PATJ: variants seen among roughly 807,000 people sequenced by gnomAD.
The protein encoded by PATJ is inaD-like protein.
Under a neutral mutation model 224.9 loss-of-function variants are expected in PATJ, and 190 were observed. That is an observed-to-expected ratio of 0.84 (90% CI 0.75 to 0.95). The LOEUF (loss-of-function observed/expected upper bound fraction) is 0.95. Among genes scored for constraint, PATJ ranks in the 40% least tolerant of loss-of-function variants. The pLI is 0.00. For missense variants in PATJ, 2,121 were observed against 2,270.3 expected, an observed-to-expected ratio of 0.93 and a Z score of 1.34; for synonymous variants, 769 against 820.3, an observed-to-expected ratio of 0.94 and a Z score of 1.07.
chr1:61,782,019 T>C (rs565955516), intron 7 of PATJ, among the ~76,000 whole-genome samples: 6 of 152,282 alleles, frequency 3.9e-5, no homozygotes, highest in African/African-American at 1.4e-4. Context: ...GCTGGTCACA[T>C]AGGCACACAC....
Position 61,901,280 on chromosome 1 carries a change from AGTGTT to A in PATJ, c.3204_3208del (p.Val1069AspfsTer3). The stretch of plus-strand genomic sequence containing the variant: ...TGAGTTTTGTTTTTTTCCTTTATAT[AGTGTT>A]GAGATTTTTAGAGAACCCAATGTGT... On this transcript the variant is annotated splice_acceptor_variant and coding_sequence_variant, in exon 24 of 44. Transcript: ENST00000642238. LOFTEE classifies it high-confidence loss of function. 6.6e-7 allele frequency: 1 copy of A among 1,515,396 alleles called. No individual in the cohort carries two copies. The highest frequency in any genetic ancestry group is 8.8e-7 in the Non-Finnish European group (1 of 1,141,150). The allele number at this position is 1,515,396 out of a possible 1,614,324, so 93.9% of individuals were successfully genotyped here.
chr1:62,122,989 A>T, intron 38 of PATJ, 32 bp from the exon 39 acceptor site: 1 of 1,444,880 alleles, frequency 6.9e-7, no homozygotes, highest in South Asian at 1.3e-5. Flanking sequence ...ATTTTTTAAT[A>T]TTAAAAAGTT....
At chr1:61,965,121 CAAAAAAAAAAAAAAAAAAA>C (rs34267345) in intron 27 of PATJ, among the ~76,000 whole-genome samples, 375 of 54,346 alleles carry the variant, frequency 6.9e-3, no homozygotes, top group African/African-American at 0.016. Context: ...GACTCTGTCT[CAAAAAAAAAAAAAAAAAAA>C]AAAAAAAAAA....
Position 62,017,752 on chromosome 1 carries a change from A to G in PATJ, c.3868-104A>G, listed in dbSNP as rs1021015350. ...CTCAAAAAAAAAAAAAAAAAAGAAA[A>G]GAAAAGAAAAGAAATTCAGTAGACT... On this transcript the variant is annotated intron_variant, in intron 28 of 43. Coordinates refer to ENST00000642238, the MANE Select transcript of PATJ (RefSeq NM_001350145.3). 2.9e-5 allele frequency: 18 copies of G among 627,446 alleles called. No homozygotes were observed. The Admixed American group carries it at 4.9e-4, about 17-fold the overall frequency. The allele number at this position is 627,446 out of a possible 1,614,324, so 38.9% of individuals were successfully genotyped here. A position where few individuals can be genotyped will look rare whatever the true frequency, so the allele number is the denominator to read the frequency against.
At chr1:61,923,135 G>T (rs1457364137) in intron 26 of PATJ, among the ~76,000 whole-genome samples, 2 of 152,204 alleles carry the variant, frequency 1.3e-5, no homozygotes, top group Non-Finnish European at 2.9e-5. Context: ...TGAGTTATTT[G>T]TCACAAAGAA....
intron 21 of PATJ, among the ~76,000 whole-genome samples, chr1:61,883,526 G>C (rs1422955851): frequency 6.6e-6 from 1 of 152,062 alleles, no homozygotes; most frequent in African/African-American, 2.4e-5. Flanking sequence ...GAGGCAGGTG[G>C]ATCACCTGAG....
chr1:61,852,140 A>AT (rs1374848968), intron 17 of PATJ, among the ~76,000 whole-genome samples: 8 of 151,184 alleles, frequency 5.3e-5, no homozygotes, highest in Non-Finnish European at 1.2e-4. Flanking sequence ...AAAAAAAAAA[A>AT]AGAGGTGTAG....
intron 26 of PATJ, among the ~76,000 whole-genome samples, chr1:61,914,946 G>A (rs973007131): frequency 1.3e-5 from 2 of 152,118 alleles, no homozygotes; most frequent in African/African-American, 2.4e-5. Context: ...TCCATTCCCA[G>A]AACATGCCTC....
intron 17 of PATJ, among the ~76,000 whole-genome samples, chr1:61,843,267 G>A (rs1437244530): frequency 6.6e-6 from 1 of 152,066 alleles, no homozygotes; most frequent in African/African-American, 2.4e-5. Context: ...TGAACATATG[G>A]TATGGTTGAG....
intron 27 of PATJ, among the ~76,000 whole-genome samples, chr1:61,933,761 A>G (rs1676389047): frequency 6.6e-6 from 1 of 152,126 alleles, no homozygotes; most frequent in South Asian, 2.1e-4. Flanking sequence ...TGTCTTCTCC[A>G]AGGCTGACCT....
At chr1:62,031,873 T>C (rs1426849744) in intron 29 of PATJ, among the ~76,000 whole-genome samples, 3 of 152,224 alleles carry the variant, frequency 2.0e-5, no homozygotes, top group African/African-American at 7.2e-5. Flanking sequence ...AATGAGTTAA[T>C]GTATGTAAAG....
chr1:61,791,239 T>G, intron 8 of PATJ, 109 bp from the exon 9 acceptor site: 1 of 588,956 alleles, frequency 1.7e-6, no homozygotes, highest in South Asian at 2.4e-5. Flanking sequence ...CTTAAAATTC[T>G]GCCTGCCATA....
chr1:61,744,486 G>T (rs1410699198), intron 1 of PATJ, among the ~76,000 whole-genome samples: 1 of 151,926 alleles, frequency 6.6e-6, no homozygotes, highest in East Asian at 1.9e-4. Flanking sequence ...TTTTGACCTG[G>T]TATCTGCAAC....
intron 11 of PATJ, among the ~76,000 whole-genome samples, chr1:61,800,317 AT>A (rs1652218414): frequency 6.6e-6 from 1 of 152,106 alleles, no homozygotes. Context: ...ATGGTATCTC[AT>A]TGTGGTTTGA....
In PATJ at chr1:62,079,349, T is replaced by C. The variant is rs1162492331; in HGVS notation, c.4126-101T>C. ...ACCTTATATTCTCAAAAGACATCAT[T>C]GGACTGCACCATTGTTTTGGTAACA... On this transcript the variant is annotated intron_variant, in intron 31 of 43. Transcript: ENST00000642238. 4 of 717,996 alleles carry C rather than the reference T, an allele frequency of 5.6e-6. No individual in the cohort carries two copies. In the South Asian group the frequency reaches 6.9e-5, roughly 12 times the overall value. 44.5% of individuals were successfully genotyped at this position (717,996 alleles called of 1,614,324 possible).
chr1:61,871,958 G>A (rs145407231), intron 20 of PATJ, among the ~76,000 whole-genome samples: 3,256 of 150,498 alleles, frequency 0.022, 58 homozygotes, highest in Non-Finnish European at 0.032. Context: ...CACCCACCTC[G>A]GCCTCCCAAA....
chr1:61,958,778 T>A (rs985627536), intron 27 of PATJ, among the ~76,000 whole-genome samples: 6 of 152,212 alleles, frequency 3.9e-5, no homozygotes, highest in Non-Finnish European at 8.8e-5. Context: ...TGTGACCAAG[T>A]TGTCAAGTCA....
At chr1:61,940,080 AC>A (rs1677571661) in intron 27 of PATJ, among the ~76,000 whole-genome samples, 1 of 152,134 alleles carries the variant, frequency 6.6e-6, no homozygotes, top group Non-Finnish European at 1.5e-5. Context: ...AAAGATGTTT[AC>A]TTCAGCATTT....
chr1:62,065,988 C>T (rs927428371), intron 31 of PATJ, among the ~76,000 whole-genome samples: 3 of 152,168 alleles, frequency 2.0e-5, no homozygotes, highest in African/African-American at 4.8e-5. Flanking sequence ...TAATCTAAAA[C>T]GTGTGTTGAT....
Sources: allele counts gnomAD v4.1 joint callset (sites outside exome capture counted in the v4.1 genomes callset), GRCh38; gene constraint gnomAD v4.1.1; transcripts MANE v1.5; gene names NCBI Gene and HGNC (gene_info 2026-07-23, HGNC 2026-07-21).